Variants in SEMA3A observed in about 807,000 individuals in gnomAD.
SEMA3A encodes the protein semaphorin 3A.
Under a neutral mutation model 97.9 loss-of-function variants are expected in SEMA3A, and 29 were observed. That is an observed-to-expected ratio of 0.30 (90% CI 0.22 to 0.40). SEMA3A has a LOEUF of 0.40. SEMA3A is among the 10% of genes least tolerant of loss of function. The pLI, the probability that SEMA3A is intolerant of heterozygous loss-of-function variation, is 1.00. For missense variants in SEMA3A, 763 were observed against 951.3 expected (o/e 0.80, Z 2.60); for synonymous variants, 321 against 323.7 (o/e 0.99, Z 0.09).
chr7:84,049,794 A>G (rs1282036376), intron 5 of SEMA3A, among the ~76,000 whole-genome samples: 46 of 150,668 alleles, frequency 3.1e-4, no homozygotes, highest in Admixed American at 2.8e-3. Flanking sequence ...TACATGTGCC[A>G]TGCTGGTGTG....
chr7:84,409,712 A>T (rs1804207960), intron 1 of SEMA3A, among the ~76,000 whole-genome samples: 1 of 152,156 alleles, frequency 6.6e-6, no homozygotes, highest in African/African-American at 2.4e-5. Flanking sequence ...AGAATAATCA[A>T]GCAAATGTGT....
intron 6 of SEMA3A, among the ~76,000 whole-genome samples, chr7:84,014,793 C>T (rs76224444): frequency 0.05 from 7,609 of 152,066 alleles, 236 homozygotes; most frequent in Middle Eastern, 0.088. Context: ...AAGTGAAATC[C>T]GTATAAAACA....
At position 83,981,329 on chromosome 7, in the gene SEMA3A, A is replaced by T. The variant is rs376837957; in HGVS notation, c.1644T>A (p.Thr548=). 3.1e-4 allele frequency: 508 copies of T among 1,613,790 alleles called. No individual in the cohort carries two copies. Among genetic ancestry groups the T allele is most frequent in the Admixed American group, 8.0e-4 (48 of 59,984 alleles). ...DGSACSRYFP[T]AKRRTRRQDI... is the part of the protein sequence containing the mutation. ...TTGAATATTTTTCCTACCTCTTTGC[A>T]GTGGGAAAATAGCGAGAACATGCAG... Residue 548 remains threonine, a synonymous_variant, in exon 14 of 17, where the codon ACT becomes ACA. Transcript: ENST00000265362.
intron 4 of SEMA3A, among the ~76,000 whole-genome samples, chr7:84,079,535 G>T (rs1385880026): frequency 1.3e-5 from 2 of 152,006 alleles, no homozygotes; most frequent in African/African-American, 4.8e-5. Flanking sequence ...ATCAAAAAGT[G>T]GGCCAAGGAT....
At chr7:84,370,214 G>A (rs1802941525) in intron 2 of SEMA3A, among the ~76,000 whole-genome samples, 1 of 151,454 alleles carries the variant, frequency 6.6e-6, no homozygotes, top group African/African-American at 2.4e-5. Context: ...TTGAGTATAG[G>A]CATAAACTGA....
intron 1 of SEMA3A, among the ~76,000 whole-genome samples, chr7:84,393,474 A>G (rs371685147): frequency 7.0e-4 from 107 of 152,284 alleles, no homozygotes; most frequent in South Asian, 3.9e-3. Flanking sequence ...TTACAATAGC[A>G]TGGTACTAGC....
At chr7:84,453,382 G>A (rs966663381) in intron 1 of SEMA3A, among the ~76,000 whole-genome samples, 4 of 151,658 alleles carry the variant, frequency 2.6e-5, no homozygotes, top group South Asian at 2.1e-4. Context: ...GACTACAGGC[G>A]CCCGCCACCT....
At chr7:84,368,997 C>A (rs966433865) in intron 2 of SEMA3A, among the ~76,000 whole-genome samples, 1 of 150,894 alleles carries the variant, frequency 6.6e-6, no homozygotes, top group Non-Finnish European at 1.5e-5. Flanking sequence ...AACTGCAGAT[C>A]TCACTAGATC....
chr7:84,120,897 G>C (rs1023868812), intron 3 of SEMA3A, among the ~76,000 whole-genome samples: 2 of 152,160 alleles, frequency 1.3e-5, no homozygotes, highest in Non-Finnish European at 2.9e-5. Flanking sequence ...GCTAGCTAGA[G>C]TATTAGAATT....
Position 83,963,215 on chromosome 7 carries a change from C to T in SEMA3A, c.1850G>A (p.Arg617Gln), listed in dbSNP as rs919402688. 9.3e-6 allele frequency: 15 copies of T among 1,612,948 alleles called. No homozygotes were observed. The East Asian group carries it at 1.3e-4, about 14-fold the overall frequency. Residue 617 changes from arginine to glutamine, a missense_variant, in exon 16 of 17, where the codon CGA (arginine) becomes CAA (glutamine). Arg to Gln is a conservative substitution (Grantham distance 43). This residue lies in a region of SEMA3A where 678 missense variants were observed against 881.3 expected (regional missense o/e 0.77). Transcript: ENST00000265362. ...YWQFQRRNEE[R>Q]KEEIRVDDHI... is the part of the protein sequence containing the mutation. ...GTTTCATTCCTGTACCTCTTCTTTT[C>T]GCTCTTCATTTCGCCTCTGGAATTG...
At chr7:84,089,039 T>A (rs958073208) in intron 4 of SEMA3A, among the ~76,000 whole-genome samples, 1 of 151,950 alleles carries the variant, frequency 6.6e-6, no homozygotes, top group Non-Finnish European at 1.5e-5. Flanking sequence ...AAGTAATAAT[T>A]CTCCTAAGAC....
chr7:84,434,604 A>G (rs2116326370), intron 1 of SEMA3A, among the ~76,000 whole-genome samples: 1 of 152,284 alleles, frequency 6.6e-6, no homozygotes, highest in South Asian at 2.1e-4. Context: ...AGACATAAAA[A>G]TCCTAAACAA....
chr7:84,344,815 C>T (rs1434607774), intron 2 of SEMA3A, among the ~76,000 whole-genome samples: 2 of 152,108 alleles, frequency 1.3e-5, no homozygotes, highest in African/African-American at 4.8e-5. Flanking sequence ...TCTTAGCACA[C>T]TCAGCATTAA....
chr7:84,281,593 T>A (rs1164358423), intron 3 of SEMA3A, among the ~76,000 whole-genome samples: 1 of 152,196 alleles, frequency 6.6e-6, no homozygotes, highest in Non-Finnish European at 1.5e-5. Flanking sequence ...TGTATTTTTC[T>A]CAGTTTATTC....
intron 2 of SEMA3A, among the ~76,000 whole-genome samples, chr7:84,333,345 C>G (rs2115956756): frequency 6.6e-6 from 1 of 152,214 alleles, no homozygotes; most frequent in East Asian, 1.9e-4. Flanking sequence ...AACTCAGTAA[C>G]ACTCTAACTT....
At chr7:84,099,499 A>G (rs897369947) in intron 4 of SEMA3A, among the ~76,000 whole-genome samples, 1 of 152,168 alleles carries the variant, frequency 6.6e-6, no homozygotes, top group Non-Finnish European at 1.5e-5. Flanking sequence ...CAAAACTCAC[A>G]TAACTTTGCC....
intron 3 of SEMA3A, among the ~76,000 whole-genome samples, chr7:84,214,151 A>G (rs1272079453): frequency 6.6e-6 from 1 of 152,202 alleles, no homozygotes; most frequent in Non-Finnish European, 1.5e-5. Context: ...TTTTTGTACA[A>G]TAAGTTTAAT....
intron 3 of SEMA3A, among the ~76,000 whole-genome samples, chr7:84,261,950 T>C (rs1799866238): frequency 7.7e-6 from 1 of 129,266 alleles, no homozygotes; most frequent in Admixed American, 7.2e-5. Context: ...TATTGTTATC[T>C]TTTTTCTTAG....
At chr7:84,406,631 A>G (rs1562936118) in intron 1 of SEMA3A, among the ~76,000 whole-genome samples, 1 of 152,228 alleles carries the variant, frequency 6.6e-6, no homozygotes, top group Non-Finnish European at 1.5e-5. Context: ...TCCTTGATGA[A>G]CATTGATGCA....
Sources: allele counts gnomAD v4.1 joint callset (sites outside exome capture counted in the v4.1 genomes callset), GRCh38; gene constraint gnomAD v4.1.1; regional missense constraint gnomAD v4.1.1; transcripts MANE v1.5; gene names NCBI Gene and HGNC (gene_info 2026-07-23, HGNC 2026-07-21).